The following USP25 variants were observed in gnomAD, a reference collection of about 807,000 sequenced individuals.
The protein encoded by USP25 is ubiquitin specific peptidase 25, also known as ubiquitin carboxyl-terminal hydrolase 25.
USP25 carries 85 observed loss-of-function variants against 158.5 expected under a neutral mutation model. The observed-to-expected ratio is 0.54, with a 90% CI of 0.45 to 0.64. USP25 has a LOEUF of 0.64. Among genes scored for constraint, USP25 ranks in the 30% least tolerant of loss-of-function variants. USP25 has a pLI of 0.00. For missense variants in USP25, 1,242 were observed against 1,327.3 expected (o/e 0.94, Z 1.00); for synonymous variants, 464 against 460.4 (o/e 1.01, Z -0.10).
chr21:15,818,580 C>A, intron 9 of USP25, 118 bp from the exon 10 acceptor site: 2 of 840,206 alleles, frequency 2.4e-6, no homozygotes, highest in Non-Finnish European at 3.6e-6. Flanking sequence ...TAACACTTCT[C>A]AGGAATGAAA....
At chr21:15,746,637 C>T (rs1206324430) in intron 1 of USP25, among the ~76,000 whole-genome samples, 3 of 152,066 alleles carry the variant, frequency 2.0e-5, no homozygotes, top group Non-Finnish European at 4.4e-5. Flanking sequence ...ACAGCATGAT[C>T]CACCAGCCTC....
At chr21:15,860,119 CT>C (rs1002386532) in intron 20 of USP25, among the ~76,000 whole-genome samples, 8 of 151,426 alleles carry the variant, frequency 5.3e-5, no homozygotes, top group African/African-American at 1.9e-4. Context: ...TCCCAAGCAG[CT>C]GGGATTACAG....
At chr21:15,779,419 T>TA (rs1258622035) in intron 4 of USP25, among the ~76,000 whole-genome samples, 3 of 152,090 alleles carry the variant, frequency 2.0e-5, no homozygotes, top group African/African-American at 7.2e-5. Flanking sequence ...AAAAGGGTTA[T>TA]AAAAAGAATG....
intron 3 of USP25, among the ~76,000 whole-genome samples, chr21:15,775,100 C>T (rs1314382339): frequency 6.6e-6 from 1 of 152,162 alleles, no homozygotes; most frequent in Non-Finnish European, 1.5e-5. Context: ...GTGCACCATT[C>T]TCGCGTCTTA....
intron 19 of USP25, among the ~76,000 whole-genome samples, chr21:15,848,921 G>T (rs1166136144): frequency 6.6e-6 from 1 of 152,108 alleles, no homozygotes; most frequent in Non-Finnish European, 1.5e-5. Context: ...GCTTCATAGG[G>T]CTTTGAGTAA....
intron 8 of USP25, among the ~76,000 whole-genome samples, chr21:15,809,327 G>A (rs949103293): frequency 4.6e-5 from 7 of 152,102 alleles, no homozygotes; most frequent in African/African-American, 1.7e-4. Context: ...AAATTATACT[G>A]TGTCTCTAAG....
intron 1 of USP25, among the ~76,000 whole-genome samples, 163 bp downstream of exon 1, chr21:15,730,601 C>T (rs2030717146): frequency 6.6e-6 from 1 of 152,174 alleles, no homozygotes; most frequent in South Asian, 2.1e-4. Flanking sequence ...GCGCCCAGAG[C>T]CCAGCTGCGT....
chr21:15,795,805 T>C (rs1217804634), intron 5 of USP25, among the ~76,000 whole-genome samples: 1 of 151,542 alleles, frequency 6.6e-6, no homozygotes, highest in Non-Finnish European at 1.5e-5. Flanking sequence ...GTTCTGTACA[T>C]AGACTTGTGG....
chr21:15,747,055 T>C (rs2032617308), intron 1 of USP25, among the ~76,000 whole-genome samples: 1 of 152,192 alleles, frequency 6.6e-6, no homozygotes, highest in Non-Finnish European at 1.5e-5. Context: ...TGTTTATATA[T>C]CTTTTTATAT....
chr21:15,776,985 C>T (rs1783598058), intron 3 of USP25, among the ~76,000 whole-genome samples: 1 of 152,158 alleles, frequency 6.6e-6, no homozygotes, highest in South Asian at 2.1e-4. Flanking sequence ...GTTACCACTT[C>T]CCTACTTAGC....
intron 17 of USP25, among the ~76,000 whole-genome samples, chr21:15,838,806 T>C (rs1568873009): frequency 6.6e-6 from 1 of 152,156 alleles, no homozygotes; most frequent in Non-Finnish European, 1.5e-5. Flanking sequence ...CCTTACTCTT[T>C]AATAGAAAGC....
chr21:15,800,870 C>T (rs779261141), intron 6 of USP25, among the ~76,000 whole-genome samples: 3 of 151,550 alleles, frequency 2.0e-5, no homozygotes, highest in Non-Finnish European at 4.4e-5. Context: ...GGGAAGATAA[C>T]TTGATTTATA....
Position 15,864,536 on chromosome 21 carries a change from A to T in USP25, c.2726+90A>T, listed in dbSNP as rs536323198. 4.6e-5 allele frequency: 54 copies of T among 1,176,200 alleles called. No homozygotes were observed. In the East Asian group the frequency reaches 1.4e-3, roughly 29 times the overall value. 72.9% of individuals were successfully genotyped at this position (1,176,200 alleles called of 1,614,324 possible). A position where few individuals can be genotyped will look rare whatever the true frequency, so the allele number is the denominator to read the frequency against. On this transcript the variant is annotated intron_variant, in intron 21 of 25. Transcript: ENST00000400183. ...GGATAATTTTTTGAGTATTTATTTT[A>T]TATATGCATGGGCACATATTTTAAT...
rs149241751 is a variant in USP25 at position 15,877,925 on chromosome 21, A to C, written c.3139A>C (p.Lys1047Gln). Residue 1047 changes from lysine to glutamine, a missense_variant, in exon 25 of 26, where the codon AAG becomes CAG. By Grantham distance (53) the Lys-to-Gln change is moderately conservative. Coordinates refer to ENST00000400183, the MANE Select transcript of USP25 (RefSeq NM_001283041.3). ...PLLLVDEMEE[K>Q]DILAVEDMRN... ...ATTACTGGTGGATGAAATGGAAGAA[A>C]AGGATATACTAGCTGTAGAAGATAT... is the stretch of plus-strand genomic sequence containing the variant. 1.5e-3 allele frequency: 2,356 copies of C among 1,613,830 alleles called. 3 individuals are homozygous for C. The highest frequency in any genetic ancestry group is 1.9e-3 in the Non-Finnish European group (2,205 of 1,179,822).
At chr21:15,841,454 T>A (rs2038330163) in intron 17 of USP25, among the ~76,000 whole-genome samples, 1 of 152,188 alleles carries the variant, frequency 6.6e-6, no homozygotes, top group Admixed American at 6.5e-5. Context: ...GCATCATCTC[T>A]TGCCATTTCT....
chr21:15,778,936 T>C lies in USP25; in HGVS notation c.392+909T>C, dbSNP rs141550496. Reference sequence around the variant, plus strand: ...TTAACATAGTCCTTTGGTAACAGAATGTACCAAATTTCTCAGGTAATTTTT... The same window carrying C: ...TTAACATAGTCCTTTGGTAACAGAACGTACCAAATTTCTCAGGTAATTTTT... On this transcript the variant is annotated intron_variant, in intron 4 of 25. Coordinates refer to ENST00000400183, the MANE Select transcript of USP25 (RefSeq NM_001283041.3). Among the ~76,000 whole-genome samples the C allele has an allele frequency of 1.9e-3, 284 of 152,250 alleles. 9 individuals are homozygous for C. The East Asian group carries it at 0.045, about 24-fold the overall frequency.
Position 15,730,340 on chromosome 21 carries a change from A to T in USP25, c.-54A>T. 9.0e-7 allele frequency: 1 copy of T among 1,115,504 alleles called. No homozygotes were observed. Among genetic ancestry groups the T allele is most frequent in the Non-Finnish European group, 1.1e-6 (1 of 914,868 alleles). 69.1% of individuals were successfully genotyped at this position (1,115,504 alleles called of 1,614,324 possible). A position where few individuals can be genotyped will look rare whatever the true frequency, so the allele number is the denominator to read the frequency against. ...GGAGCGCGGCAGCCAGGGCCGGCGG[A>T]GGCGCGAGGAGCCGGGCGCCACCGC... is the stretch of plus-strand genomic sequence containing the variant. On this transcript the variant is annotated 5_prime_UTR_variant, in exon 1 of 26. Coordinates refer to ENST00000400183, the MANE Select transcript of USP25 (RefSeq NM_001283041.3).
chr21:15,868,045 C>T (rs1444032627), intron 22 of USP25, among the ~76,000 whole-genome samples: 1 of 152,124 alleles, frequency 6.6e-6, no homozygotes, highest in African/African-American at 2.4e-5. Context: ...CAGTCCACCT[C>T]CCATCTCTGA....
chr21:15,833,812 T>A (rs1019323780), intron 17 of USP25, among the ~76,000 whole-genome samples: 1 of 152,198 alleles, frequency 6.6e-6, no homozygotes, highest in Non-Finnish European at 1.5e-5. Flanking sequence ...TTGGGTGGGC[T>A]TGAATTTTCT....
Sources: gnomAD v4.1 joint callset for allele counts (sites outside exome capture counted in the v4.1 genomes callset) on GRCh38, gnomAD v4.1.1 for gene constraint, MANE v1.5 for transcripts, NCBI Gene and HGNC (gene_info 2026-07-23, HGNC 2026-07-21) for gene names.